CTDSPL: variants seen among roughly 807,000 people sequenced by gnomAD.
CTDSPL encodes CTD small phosphatase-like protein.
CTDSPL carries 8 observed loss-of-function variants against 30.5 expected under a neutral mutation model. The observed-to-expected ratio is 0.26, with a 90% CI of 0.15 to 0.47. The LOEUF (loss-of-function observed/expected upper bound fraction) is 0.47, where lower values mean the gene tolerates loss of function less well. CTDSPL is among the 20% of genes least tolerant of loss of function. The pLI, the probability that CTDSPL is intolerant of heterozygous loss-of-function variation, is 0.99. For missense variants in CTDSPL, 248 were observed against 366.1 expected (o/e 0.68, Z 2.63); for synonymous variants, 110 against 137.9 (o/e 0.80, Z 1.42).
Position 37,960,101 on chromosome 3 carries a change from C to T in CTDSPL, c.267+2958C>T, listed in dbSNP as rs571454081. 2.0e-5 allele frequency among the ~76,000 whole-genome samples: 3 copies of T among 152,032 alleles called. No homozygotes were observed. In the East Asian group the frequency reaches 5.8e-4, roughly 30 times the overall value. On this transcript the variant is annotated intron_variant, in intron 3 of 7. Transcript: ENST00000273179. Reference sequence around the variant, plus strand: ...GGTGCGGTGGCTCACACCTGTAATCCCACTGAGGCCGAGGTGGGCGGATCA... The same window carrying T: ...GGTGCGGTGGCTCACACCTGTAATCTCACTGAGGCCGAGGTGGGCGGATCA...
intron 2 of CTDSPL, among the ~76,000 whole-genome samples, chr3:37,947,888 T>A (rs529884573): frequency 6.6e-6 from 1 of 152,268 alleles, no homozygotes; most frequent in Non-Finnish European, 1.5e-5. Context: ...TTCTTTTGTA[T>A]GTATCAAATA....
intron 1 of CTDSPL, among the ~76,000 whole-genome samples, chr3:37,917,767 G>A (rs1698666589): frequency 6.6e-6 from 1 of 152,080 alleles, no homozygotes. Flanking sequence ...ACCTTAATTT[G>A]AGTATCCAGG....
chr3:37,927,218 A>G (rs993273752), intron 1 of CTDSPL, among the ~76,000 whole-genome samples: 4 of 152,206 alleles, frequency 2.6e-5, no homozygotes, highest in African/African-American at 9.6e-5. Context: ...TATTTCTCCA[A>G]AGACATACAG....
chr3:37,902,357 C>A (rs956175441), intron 1 of CTDSPL, among the ~76,000 whole-genome samples: 2 of 152,094 alleles, frequency 1.3e-5, no homozygotes, highest in Non-Finnish European at 2.9e-5. Flanking sequence ...CTAGTTTGCC[C>A]CAGGGGATGG....
chr3:37,902,696 C>T (rs1698465430), intron 1 of CTDSPL, among the ~76,000 whole-genome samples: 1 of 152,148 alleles, frequency 6.6e-6, no homozygotes, highest in South Asian at 2.1e-4. Flanking sequence ...AAACCCCCCA[C>T]AAGGAGGCAA....
intron 1 of CTDSPL, among the ~76,000 whole-genome samples, chr3:37,877,546 A>T (rs751594150): frequency 3.9e-5 from 6 of 152,344 alleles, no homozygotes; most frequent in Non-Finnish European, 8.8e-5. Flanking sequence ...ATTGTGAATT[A>T]TACTCATATG....
chr3:37,955,503 T>C (rs184147871), intron 2 of CTDSPL, among the ~76,000 whole-genome samples: 2 of 152,104 alleles, frequency 1.3e-5, no homozygotes, highest in African/African-American at 4.8e-5. Context: ...CACCAAATAC[T>C]ATGCAGCCGT....
At chr3:37,912,251 G>A (rs953203390) in intron 1 of CTDSPL, among the ~76,000 whole-genome samples, 3 of 152,192 alleles carry the variant, frequency 2.0e-5, no homozygotes, top group African/African-American at 7.2e-5. Flanking sequence ...AGGGGAGGCC[G>A]GTTCTTTCCT....
At chr3:37,945,525 G>A (rs1699025602) in intron 1 of CTDSPL, among the ~76,000 whole-genome samples, 1 of 152,258 alleles carries the variant, frequency 6.6e-6, no homozygotes, top group African/African-American at 2.4e-5. Flanking sequence ...TTGGTAAACA[G>A]TGATTATTAT....
At position 37,933,528 on chromosome 3, in the gene CTDSPL, T is replaced by TG. The variant is rs138976525; in HGVS notation, c.80-13527dup. On this transcript the variant is annotated intron_variant, in intron 1 of 7. Transcript: ENST00000273179. ...CTTGCTTTTCTCATTTACTGTCTCT[T>TG]GGAGTATGCTCCATTCTCAGTAGGC... Among the ~76,000 whole-genome samples the TG allele has an allele frequency of 4.0e-3, 613 of 152,338 alleles. 3 individuals are homozygous for TG. Among genetic ancestry groups the TG allele is most frequent in the African/African-American group, 0.014 (583 of 41,586 alleles).
At chr3:37,941,597 C>T (rs567526661) in intron 1 of CTDSPL, among the ~76,000 whole-genome samples, 1 of 149,934 alleles carries the variant, frequency 6.7e-6, no homozygotes, top group African/African-American at 2.4e-5. Flanking sequence ...GCCATGTTGT[C>T]CAGGCTGGTC....
intron 5 of CTDSPL, chr3:37,969,599 A>T (rs1699342440): frequency 2.9e-6 from 1 of 345,778 alleles, no homozygotes; most frequent in Admixed American, 4.1e-5. Flanking sequence ...TCCAAGCAGG[A>T]CTCCCAGGGT....
intron 1 of CTDSPL, among the ~76,000 whole-genome samples, chr3:37,894,988 T>G (rs1575286319): frequency 6.6e-6 from 1 of 152,342 alleles, no homozygotes; most frequent in Middle Eastern, 3.4e-3. Context: ...TAATAGCTAT[T>G]TTAAAAAATC....
At chr3:37,883,788 T>C (rs982239471) in intron 1 of CTDSPL, among the ~76,000 whole-genome samples, 1 of 152,030 alleles carries the variant, frequency 6.6e-6, no homozygotes, top group East Asian at 1.9e-4. Flanking sequence ...GTTCAGATCT[T>C]CTCTTTCTTC....
At chr3:37,882,868 G>C (rs2125593039) in intron 1 of CTDSPL, among the ~76,000 whole-genome samples, 1 of 152,298 alleles carries the variant, frequency 6.6e-6, no homozygotes, top group South Asian at 2.1e-4. Flanking sequence ...GCACACTGGA[G>C]CCACGTCAGA....
chr3:37,972,304 C>A (rs1375834436), intron 6 of CTDSPL, among the ~76,000 whole-genome samples: 1 of 152,134 alleles, frequency 6.6e-6, no homozygotes, highest in African/African-American at 2.4e-5. Context: ...CAAGACCAAC[C>A]TGGCCAACAT....
rs756522638 is a variant in CTDSPL at position 37,980,821 on chromosome 3, G to A, written c.785G>A (p.Arg262Gln). Residue 262 changes from arginine to glutamine, a missense_variant, in exon 8 of 8, where the codon CGG becomes CAG. By Grantham distance (43) the Arg-to-Gln change is conservative. Around this residue, in one of 4 missense-constraint regions of CTDSPL, gnomAD observed 84 missense variants for 139.4 expected, o/e 0.60. Transcript: ENST00000273179. ...ATCCCCTTCTTTGAGGGCCTGAGCCGGGAGGACGACGTGTACAGCATGCTG... is the reference window on the plus strand; with the variant it reads ...ATCCCCTTCTTTGAGGGCCTGAGCCAGGAGGACGACGTGTACAGCATGCTG... Reference protein sequence around the residue: ...DLIPFFEGLSREDDVYSMLHR... With the variant: ...DLIPFFEGLSQEDDVYSMLHR... The A allele has an allele frequency of 1.4e-5, 22 of 1,614,034 alleles. No individual in the cohort carries two copies. The highest frequency in any genetic ancestry group is 2.7e-5 in the African/African-American group (2 of 74,926).
intron 3 of CTDSPL, among the ~76,000 whole-genome samples, chr3:37,964,156 T>C (rs1575320457): frequency 2.0e-5 from 3 of 151,686 alleles, no homozygotes; most frequent in South Asian, 2.1e-4. Context: ...AGACCTCCAT[T>C]GTGACAGTAC....
intron 2 of CTDSPL, among the ~76,000 whole-genome samples, chr3:37,949,563 A>G (rs1699084991): frequency 6.6e-6 from 1 of 152,242 alleles, no homozygotes; most frequent in African/African-American, 2.4e-5. Flanking sequence ...ACATACAAGC[A>G]TTTATAAGAC....
Sources: gnomAD v4.1 joint callset for allele counts (sites outside exome capture counted in the v4.1 genomes callset) on GRCh38, gnomAD v4.1.1 for gene constraint, gnomAD v4.1.1 regional missense constraint, MANE v1.5 for transcripts, NCBI Gene and HGNC (gene_info 2026-07-23, HGNC 2026-07-21) for gene names.